The following CNTN1 variants were observed in gnomAD, a reference collection of about 807,000 sequenced individuals.
The protein encoded by CNTN1 is contactin-1.
CNTN1 carries 38 observed loss-of-function variants against 126.4 expected under a neutral mutation model. The observed-to-expected ratio is 0.30, with a 90% CI of 0.23 to 0.39. The LOEUF (loss-of-function observed/expected upper bound fraction) is 0.39. Among genes scored for constraint, CNTN1 ranks in the 10% least tolerant of loss-of-function variants. The pLI, the probability that CNTN1 is intolerant of heterozygous loss-of-function variation, is 1.00. For synonymous variants in CNTN1, 413 were observed against 422.6 expected, an observed-to-expected ratio of 0.98 and a Z score of 0.28; for missense variants, 1,009 against 1,248.4, an observed-to-expected ratio of 0.81 and a Z score of 2.89.
intron 4 of CNTN1, among the ~76,000 whole-genome samples, chr12:40,919,390 G>A (rs1034820817): frequency 6.6e-6 from 1 of 152,002 alleles, no homozygotes; most frequent in Non-Finnish European, 1.5e-5. Flanking sequence ...GCTTCAGATG[G>A]GTCATAAAAG....
At chr12:40,841,044 G>T (rs1331640449) in intron 1 of CNTN1, among the ~76,000 whole-genome samples, 1 of 151,600 alleles carries the variant, frequency 6.6e-6, no homozygotes, top group Non-Finnish European at 1.5e-5. Flanking sequence ...AAACAAAATG[G>T]ATAAACCTGC....
intron 1 of CNTN1, among the ~76,000 whole-genome samples, chr12:40,766,744 A>C (rs1400170586): frequency 6.6e-6 from 1 of 152,230 alleles, no homozygotes; most frequent in African/African-American, 2.4e-5. Context: ...GCAATGATAA[A>C]TAATGGCAGA....
At chr12:40,996,629 A>G (rs1948224758) in intron 17 of CNTN1, among the ~76,000 whole-genome samples, 1 of 152,190 alleles carries the variant, frequency 6.6e-6, no homozygotes, top group Admixed American at 6.5e-5. Flanking sequence ...CTACTTTGTA[A>G]TGGATTACCC....
chr12:40,943,479 G>A, intron 12 of CNTN1, 118 bp from the exon 13 acceptor site: 1 of 734,800 alleles, frequency 1.4e-6, no homozygotes, highest in Non-Finnish European at 2.2e-6. Flanking sequence ...AAATGTCTGT[G>A]GTCGCATGAT....
chr12:40,837,526 G>T (rs1211302091), intron 1 of CNTN1, among the ~76,000 whole-genome samples: 2 of 152,194 alleles, frequency 1.3e-5, no homozygotes, highest in Non-Finnish European at 2.9e-5. Flanking sequence ...AGAAGGAACT[G>T]CTCCAGGGAG....
chr12:40,821,586 A>G (rs1237946190), intron 1 of CNTN1, among the ~76,000 whole-genome samples: 1 of 152,190 alleles, frequency 6.6e-6, no homozygotes, highest in Non-Finnish European at 1.5e-5. Flanking sequence ...ATGATTTGGT[A>G]TATGGATATT....
At chr12:41,050,666 T>C (rs899987793) in intron 23 of CNTN1, among the ~76,000 whole-genome samples, 2 of 152,152 alleles carry the variant, frequency 1.3e-5, no homozygotes, top group African/African-American at 4.8e-5. Context: ...ATGTTCTCTT[T>C]TTGCATAAAT....
At chr12:40,712,259 T>G (rs1443580973) in intron 1 of CNTN1, among the ~76,000 whole-genome samples, 1 of 152,126 alleles carries the variant, frequency 6.6e-6, no homozygotes, top group Non-Finnish European at 1.5e-5. Flanking sequence ...AGTTTGGATT[T>G]GTTTTTCAGC....
At chr12:40,773,514 G>A (rs1266516078) in intron 1 of CNTN1, among the ~76,000 whole-genome samples, 1 of 150,996 alleles carries the variant, frequency 6.6e-6, no homozygotes, top group Non-Finnish European at 1.5e-5. Context: ...AATCTGTGCT[G>A]TGTGAGCAGC....
chr12:41,002,766 C>T (rs1030028907), intron 17 of CNTN1, among the ~76,000 whole-genome samples: 23 of 151,982 alleles, frequency 1.5e-4, no homozygotes, highest in African/African-American at 5.5e-4. Context: ...ACCATGTTAG[C>T]CAGTGTGGTC....
At chr12:40,838,529 C>A (rs1942154456) in intron 1 of CNTN1, among the ~76,000 whole-genome samples, 1 of 152,132 alleles carries the variant, frequency 6.6e-6, no homozygotes, top group Admixed American at 6.5e-5. Context: ...CCCAGTGGAA[C>A]AAAAATAGGC....
intron 14 of CNTN1, among the ~76,000 whole-genome samples, chr12:40,952,931 T>A (rs1323203256): frequency 6.6e-6 from 1 of 152,168 alleles, no homozygotes; most frequent in Non-Finnish European, 1.5e-5. Context: ...CATCTATATC[T>A]CTCCCTTTAC....
chr12:40,974,403 G>T (rs1437403621), intron 15 of CNTN1, among the ~76,000 whole-genome samples: 2 of 151,636 alleles, frequency 1.3e-5, no homozygotes, highest in African/African-American at 2.4e-5. Flanking sequence ...GGAGCTCAAG[G>T]CCAGCCCAGG....
At chr12:40,794,612 T>C (rs554407181) in intron 1 of CNTN1, among the ~76,000 whole-genome samples, 1 of 152,198 alleles carries the variant, frequency 6.6e-6, no homozygotes, top group East Asian at 1.9e-4. Flanking sequence ...AATTATGTCT[T>C]TATTAAAATG....
intron 15 of CNTN1, among the ~76,000 whole-genome samples, chr12:40,975,193 TATATA>T (rs1947640089): frequency 3.3e-5 from 1 of 30,398 alleles, no homozygotes. Context: ...TATATATATA[TATATA>T]TATATATATA....
At chr12:41,026,994 T>C (rs1949050703) in intron 21 of CNTN1, among the ~76,000 whole-genome samples, 1 of 152,144 alleles carries the variant, frequency 6.6e-6, no homozygotes, top group African/African-American at 2.4e-5. Flanking sequence ...ATGAGTGGGA[T>C]GAGAGACTAA....
At chr12:40,723,797 T>C (rs555428125) in intron 1 of CNTN1, among the ~76,000 whole-genome samples, 4 of 152,320 alleles carry the variant, frequency 2.6e-5, no homozygotes, top group Admixed American at 2.6e-4. Context: ...TTGAAGGAAC[T>C]ACTGATGTGA....
chr12:40,962,079 T>C (rs776823655), intron 15 of CNTN1, among the ~76,000 whole-genome samples: 22 of 152,098 alleles, frequency 1.4e-4, no homozygotes, highest in Non-Finnish European at 2.6e-4. Context: ...GCTAAAAAAT[T>C]TTTTATAACA....
chr12:41,018,310 A>G (rs1467816100), intron 19 of CNTN1, among the ~76,000 whole-genome samples: 1 of 152,080 alleles, frequency 6.6e-6, no homozygotes, highest in Non-Finnish European at 1.5e-5. Context: ...CATTAGAGGA[A>G]ATGGGCTCTA....
Sources: allele counts gnomAD v4.1 joint callset (sites outside exome capture counted in the v4.1 genomes callset), GRCh38; gene constraint gnomAD v4.1.1; transcripts MANE v1.5; gene names NCBI Gene and HGNC (gene_info 2026-07-23, HGNC 2026-07-21).